Variants in MYO9A observed in about 807,000 individuals in gnomAD.
MYO9A encodes unconventional myosin-IXa.
Under a neutral mutation model 293.3 loss-of-function variants are expected in MYO9A, and 103 were observed. The ratio of observed to expected loss-of-function variants is 0.35; its 90% CI spans 0.30 to 0.41. MYO9A has a LOEUF of 0.41. Ranked by LOEUF, MYO9A falls within the 10% of genes least tolerant of loss-of-function variation. MYO9A has a pLI of 1.00. For synonymous variants in MYO9A, 1,001 were observed against 1,035.7 expected (o/e 0.97, Z 0.64); for missense variants, 2,685 against 3,033.0 (o/e 0.89, Z 2.69).
At chr15:71,904,894 G>A in intron 20 of MYO9A, 32 bp downstream of exon 20, 4 of 1,506,504 alleles carry the variant, frequency 2.7e-6, no homozygotes, top group Non-Finnish European at 3.7e-6. Context: ...AGTAAGCTGA[G>A]ATATGTGCTC....
chr15:72,071,077 G>A (rs2079175394), intron 1 of MYO9A, among the ~76,000 whole-genome samples: 1 of 152,248 alleles, frequency 6.6e-6, no homozygotes, highest in African/African-American at 2.4e-5. Flanking sequence ...AAGAACTTCT[G>A]CATAGCAAAA....
chr15:71,986,036 G>A (rs2076399679), intron 11 of MYO9A, among the ~76,000 whole-genome samples: 1 of 152,148 alleles, frequency 6.6e-6, no homozygotes, highest in Non-Finnish European at 1.5e-5. Flanking sequence ...AGTAATACAA[G>A]TAACAGAAAA....
chr15:71,932,326 G>A (rs2058501072), intron 18 of MYO9A, among the ~76,000 whole-genome samples: 1 of 152,108 alleles, frequency 6.6e-6, no homozygotes, highest in African/African-American at 2.4e-5. Flanking sequence ...TAGAGACTCA[G>A]AAATTCAGTG....
At chr15:72,057,494 C>T (rs891254138) in intron 1 of MYO9A, among the ~76,000 whole-genome samples, 14 of 152,118 alleles carry the variant, frequency 9.2e-5, no homozygotes, top group East Asian at 3.9e-4. Context: ...TCTTTGTCAT[C>T]GAACATAGTT....
chr15:71,854,220 CTT>C lies in MYO9A; in HGVS notation c.6346+155_6346+156del, dbSNP rs148839084. On this transcript the variant is annotated intron_variant, in intron 35 of 41. Coordinates refer to ENST00000356056, the MANE Select transcript of MYO9A (RefSeq NM_006901.4). Reference sequence around the variant, plus strand: ...AGTTGACCAAATGAAACCAAAGACTCTTTAGAAAGCCAAAAAATGATAACAAA... The same window carrying C: ...AGTTGACCAAATGAAACCAAAGACTCTAGAAAGCCAAAAAATGATAACAAA... 5.3e-3 allele frequency among the ~76,000 whole-genome samples: 805 copies of C among 152,190 alleles called. 9 individuals are homozygous for C. Among genetic ancestry groups the C allele is most frequent in the African/African-American group, 0.018 (767 of 41,510 alleles).
At chr15:72,060,151 A>G (rs770132060) in intron 1 of MYO9A, among the ~76,000 whole-genome samples, 1 of 152,084 alleles carries the variant, frequency 6.6e-6, no homozygotes, top group Non-Finnish European at 1.5e-5. Context: ...AATATGGATC[A>G]TCTCTACTTC....
intron 5 of MYO9A, among the ~76,000 whole-genome samples, chr15:72,020,082 T>C (rs1256245530): frequency 6.6e-6 from 1 of 152,096 alleles, no homozygotes; most frequent in Non-Finnish European, 1.5e-5. Context: ...CCTAAATATA[T>C]ACTGCTATCT....
intron 19 of MYO9A, among the ~76,000 whole-genome samples, chr15:71,906,377 A>G (rs1400322002): frequency 6.6e-6 from 1 of 152,194 alleles, no homozygotes; most frequent in African/African-American, 2.4e-5. Flanking sequence ...CTAATTGCCT[A>G]CTTACCCTGT....
At chr15:71,924,569 G>A (rs1014283917) in intron 18 of MYO9A, among the ~76,000 whole-genome samples, 5 of 151,810 alleles carry the variant, frequency 3.3e-5, no homozygotes, top group African/African-American at 9.7e-5. Context: ...TTAACTTATT[G>A]AGACTTGTTT....
chr15:71,872,763 T>G (rs1489422802), intron 32 of MYO9A, among the ~76,000 whole-genome samples: 1 of 152,222 alleles, frequency 6.6e-6, no homozygotes, highest in Non-Finnish European at 1.5e-5. Flanking sequence ...ATATTTTATA[T>G]GTGTGTATAT....
chr15:71,862,675 G>T, intron 32 of MYO9A, 64 bp from the exon 33 acceptor site: 1 of 1,059,456 alleles, frequency 9.4e-7, no homozygotes, highest in Non-Finnish European at 1.4e-6. Context: ...CTAACGTGGT[G>T]GGAAATCCTT....
intron 34 of MYO9A, among the ~76,000 whole-genome samples, chr15:71,858,885 A>G (rs1243390880): frequency 6.6e-6 from 1 of 151,956 alleles, no homozygotes; most frequent in Non-Finnish European, 1.5e-5. Flanking sequence ...TTCCCACTAG[A>G]AGAAAAACAT....
chr15:71,914,905 T>C (rs2057965303), intron 19 of MYO9A, among the ~76,000 whole-genome samples: 1 of 152,286 alleles, frequency 6.6e-6, no homozygotes, highest in South Asian at 2.1e-4. Flanking sequence ...GATTTTGGTA[T>C]ACATGGCACC....
intron 1 of MYO9A, among the ~76,000 whole-genome samples, chr15:72,077,523 C>T (rs2079391010): frequency 6.6e-6 from 1 of 151,768 alleles, no homozygotes; most frequent in South Asian, 2.1e-4. Flanking sequence ...GAAACTCCAT[C>T]TCTACTAAAA....
chr15:71,956,860 A>T (rs62025579), intron 14 of MYO9A, among the ~76,000 whole-genome samples: 278 of 140,320 alleles, frequency 2.0e-3, no homozygotes, highest in African/African-American at 6.9e-3. Flanking sequence ...CACACACACA[A>T]ATATATATAT....
chr15:71,849,933 A>G, intron 38 of MYO9A, 103 bp downstream of exon 38: 2 of 940,512 alleles, frequency 2.1e-6, no homozygotes, highest in South Asian at 1.9e-5. Context: ...TCTTAAAAAC[A>G]CCTGAATTTA....
In MYO9A at chr15:71,897,930, T is replaced by G; in HGVS notation, c.4573A>C (p.Lys1525Gln). 6.2e-7 allele frequency: 1 copy of G among 1,614,174 alleles called. No homozygotes were observed. Among genetic ancestry groups the G allele is most frequent in the Non-Finnish European group, 8.5e-7 (1 of 1,180,042 alleles). The change falls in exon 25 of 42, where the codon AAG becomes CAG. Residue 1525 changes from lysine to glutamine, a missense_variant. Coordinates refer to ENST00000356056, the MANE Select transcript of MYO9A (RefSeq NM_006901.4). ...ATTGTCTTGAAGGCTTTGCGCTCCT[T>G]CTCTAAAATATCTGTTTGCTGGCGA... ...QIRQQTDILE[K>Q]ERKAFKTIEK...
intron 8 of MYO9A, among the ~76,000 whole-genome samples, chr15:72,007,560 C>T (rs1204045800): frequency 6.6e-6 from 1 of 152,044 alleles, no homozygotes; most frequent in Admixed American, 6.6e-5. Flanking sequence ...TTCATCCTAT[C>T]CAGCAAATTT....
At chr15:71,956,531 A>C (rs1328364205) in intron 14 of MYO9A, among the ~76,000 whole-genome samples, 1 of 149,906 alleles carries the variant, frequency 6.7e-6, no homozygotes, top group Admixed American at 6.6e-5. Context: ...CTGTAGTCCC[A>C]GCTACTAGCG....
Sources: allele counts gnomAD v4.1 joint callset (sites outside exome capture counted in the v4.1 genomes callset), GRCh38; gene constraint gnomAD v4.1.1; transcripts MANE v1.5; gene names NCBI Gene and HGNC (gene_info 2026-07-23, HGNC 2026-07-21).